Variants in EPB41L5 observed in about 807,000 individuals in gnomAD.
EPB41L5 encodes erythrocyte membrane protein band 4.1 like 5.
EPB41L5 carries 55 observed loss-of-function variants against 106.6 expected under a neutral mutation model. That is an observed-to-expected ratio of 0.52 (90% CI 0.42 to 0.65). The LOEUF (loss-of-function observed/expected upper bound fraction) is 0.65, where lower values mean the gene tolerates loss of function less well. EPB41L5 is among the 30% of genes least tolerant of loss of function. The pLI is 0.00. For missense variants in EPB41L5, 871 were observed against 882.1 expected, an observed-to-expected ratio of 0.99 and a Z score of 0.16; for synonymous variants, 297 against 306.7, an observed-to-expected ratio of 0.97 and a Z score of 0.33.
At chr2:120,065,160 C>A (rs1023144092) in intron 3 of EPB41L5, among the ~76,000 whole-genome samples, 1 of 152,026 alleles carries the variant, frequency 6.6e-6, no homozygotes, top group Non-Finnish European at 1.5e-5. Flanking sequence ...GTTCTGTCGC[C>A]CAGGCTGGAG....
intron 16 of EPB41L5, among the ~76,000 whole-genome samples, chr2:120,120,623 A>G (rs1685175097): frequency 6.6e-6 from 1 of 152,040 alleles, no homozygotes; most frequent in African/African-American, 2.4e-5. Flanking sequence ...TAATAAAATT[A>G]GTATAAAGAA....
chr2:120,104,975 T>C (rs1248822182), intron 16 of EPB41L5: 2 of 984,278 alleles, frequency 2.0e-6, no homozygotes, highest in Non-Finnish European at 2.4e-6. Context: ...TTCTATAAAA[T>C]GAAAAACATA....
intron 3 of EPB41L5, among the ~76,000 whole-genome samples, chr2:120,062,498 A>G (rs1321543919): frequency 6.6e-6 from 1 of 152,218 alleles, no homozygotes; most frequent in Non-Finnish European, 1.5e-5. Context: ...AAAATAAATT[A>G]GAAGAAATGG....
At position 120,100,717 on chromosome 2, in the gene EPB41L5, G is replaced by A; in HGVS notation, c.1240G>A (p.Ala414Thr). 1 of 1,613,870 alleles carries A rather than the reference G, an allele frequency of 6.2e-7. No homozygotes were observed. Among genetic ancestry groups the A allele is most frequent in the Middle Eastern group, 1.7e-4 (1 of 6,058 alleles). The change falls in exon 16 of 25, where the codon GCT (alanine) becomes ACT (threonine). Residue 414 changes from alanine to threonine, a missense_variant. Transcript: ENST00000263713. ...TCCAAAGGCTTGGGGGATGAGATCT[G>A]CTCTGCCTGTGAGTCCTTCCATTTC... is the stretch of plus-strand genomic sequence containing the variant. ...GSQQAWGMRS[A>T]LPVSPSISSA...
intron 10 of EPB41L5, among the ~76,000 whole-genome samples, chr2:120,080,878 T>C (rs535806621): frequency 2.0e-5 from 3 of 152,386 alleles, no homozygotes; most frequent in African/African-American, 7.2e-5. Flanking sequence ...CATTTTTTCA[T>C]GTGTCTGTTG....
chr2:120,015,789 A>G (rs1182072641), intron 1 of EPB41L5, among the ~76,000 whole-genome samples: 1 of 151,844 alleles, frequency 6.6e-6, no homozygotes, highest in Non-Finnish European at 1.5e-5. Flanking sequence ...ACAAAAAATC[A>G]TTGAAAAAAC....
In EPB41L5 at chr2:120,175,013, A is replaced by G. The variant is rs988932153; in HGVS notation, c.*106A>G. The G allele has an allele frequency of 9.9e-6, 11 of 1,110,538 alleles. No individual in the cohort carries two copies. The highest frequency in any genetic ancestry group is 1.5e-5 in the Non-Finnish European group (11 of 727,262). 68.8% of individuals were successfully genotyped at this position (1,110,538 alleles called of 1,614,324 possible). A position where few individuals can be genotyped will look rare whatever the true frequency, so the allele number is the denominator to read the frequency against. ...TTGTCCATTATTTGTAGGTAAAAAA[A>G]GCTGCACGTAGATTTGACTTCAACT... On this transcript the variant is annotated 3_prime_UTR_variant, in exon 25 of 25. Transcript: ENST00000263713.
intron 10 of EPB41L5, among the ~76,000 whole-genome samples, chr2:120,084,257 T>C (rs1297443738): frequency 1.3e-5 from 2 of 152,232 alleles, no homozygotes; most frequent in Non-Finnish European, 2.9e-5. Context: ...TTGCAGTGGC[T>C]GGTACCAGTT....
At chr2:120,165,682 AC>A (rs1687367197) in intron 22 of EPB41L5, among the ~76,000 whole-genome samples, 1 of 152,090 alleles carries the variant, frequency 6.6e-6, no homozygotes, top group Non-Finnish European at 1.5e-5. Context: ...GAAATGACTA[AC>A]TTTGCTGGAC....
intron 16 of EPB41L5, among the ~76,000 whole-genome samples, chr2:120,113,440 A>G (rs1192014893): frequency 6.6e-6 from 1 of 152,244 alleles, no homozygotes; most frequent in African/African-American, 2.4e-5. Flanking sequence ...GGTAGAAGAA[A>G]GAATGTCTTT....
intron 1 of EPB41L5, among the ~76,000 whole-genome samples, chr2:120,014,349 A>G (rs1677365354): frequency 6.6e-6 from 1 of 152,330 alleles, no homozygotes; most frequent in African/African-American, 2.4e-5. Context: ...TGGAAGCCAC[A>G]TAAACCTACC....
intron 10 of EPB41L5, among the ~76,000 whole-genome samples, chr2:120,082,500 C>T (rs1045627852): frequency 6.6e-6 from 1 of 152,028 alleles, no homozygotes; most frequent in African/African-American, 2.4e-5. Flanking sequence ...CTCCTGGATT[C>T]GGTTTGCCAG....
At position 120,021,145 on chromosome 2, in the gene EPB41L5, A is replaced by T. The variant is rs972453176; in HGVS notation, c.180+1881A>T. 2.6e-5 allele frequency among the ~76,000 whole-genome samples: 4 copies of T among 152,110 alleles called. 1 individual carries two copies. The South Asian group carries it at 8.3e-4, about 32-fold the overall frequency. On this transcript the variant is annotated intron_variant, in intron 2 of 24. Coordinates refer to ENST00000263713, the MANE Select transcript of EPB41L5 (RefSeq NM_020909.4). Reference sequence around the variant, plus strand: ...ACCCTTAGGCCAGGAGTTCGAGACCAGCCTGGCCAACATGGTGAAACCCAT... The same window carrying T: ...ACCCTTAGGCCAGGAGTTCGAGACCTGCCTGGCCAACATGGTGAAACCCAT...
At chr2:120,139,027 A>G (rs1686058888) in intron 18 of EPB41L5, among the ~76,000 whole-genome samples, 1 of 152,026 alleles carries the variant, frequency 6.6e-6, no homozygotes, top group Non-Finnish European at 1.5e-5. Context: ...AAATAAATCC[A>G]TACATCTGCA....
intron 16 of EPB41L5, among the ~76,000 whole-genome samples, chr2:120,119,927 C>T (rs987665732): frequency 1.3e-5 from 2 of 151,980 alleles, no homozygotes; most frequent in African/African-American, 4.8e-5. Context: ...CAATAAAAAG[C>T]TAAGAAAACT....
chr2:120,158,202 A>G (rs1686982189), intron 20 of EPB41L5, among the ~76,000 whole-genome samples: 1 of 152,196 alleles, frequency 6.6e-6, no homozygotes. Context: ...TGCTGAAACT[A>G]TTTCAAAAAA....
intron 20 of EPB41L5, among the ~76,000 whole-genome samples, chr2:120,147,451 C>G (rs866790950): frequency 6.6e-6 from 1 of 151,682 alleles, no homozygotes; most frequent in East Asian, 1.9e-4. Flanking sequence ...CATGGTGAAA[C>G]CCGTCTCTAC....
At chr2:120,086,467 G>A (rs1216854370) in intron 10 of EPB41L5, among the ~76,000 whole-genome samples, 1 of 152,152 alleles carries the variant, frequency 6.6e-6, no homozygotes, top group Non-Finnish European at 1.5e-5. Context: ...AATTCCTGTT[G>A]AAAACAGAGT....
intron 2 of EPB41L5, among the ~76,000 whole-genome samples, chr2:120,031,167 C>G (rs560950785): frequency 6.6e-6 from 1 of 152,348 alleles, no homozygotes; most frequent in Non-Finnish European, 1.5e-5. Context: ...CCACGCCCAG[C>G]CCCAGCCTCC....
Sources: allele counts gnomAD v4.1 joint callset (sites outside exome capture counted in the v4.1 genomes callset), GRCh38; gene constraint gnomAD v4.1.1; transcripts MANE v1.5; gene names NCBI Gene and HGNC (gene_info 2026-07-23, HGNC 2026-07-21).